The following FAM193A variants were observed in gnomAD, a reference collection of about 807,000 sequenced individuals.
FAM193A encodes protein FAM193A.
A neutral mutation model predicts 126.5 loss-of-function variants in FAM193A; 22 were observed. That is an observed-to-expected ratio of 0.17 (90% confidence interval 0.12 to 0.25). The LOEUF is 0.25. Among genes scored for constraint, FAM193A ranks in the 10% least tolerant of loss-of-function variants. The pLI is 1.00. For missense variants in FAM193A, 1,675 were observed against 1,672.8 expected (o/e 1.00, Z -0.02); for synonymous variants, 761 against 646.8 (o/e 1.18, Z -2.68).
Position 2,641,352 on chromosome 4 carries a change from T to C in FAM193A, c.1163+1493T>C, listed in dbSNP as rs570663243. On this transcript the variant is annotated intron_variant, in intron 6 of 20. Coordinates refer to ENST00000637812, the MANE Select transcript of FAM193A (RefSeq NM_001366318.2). ...ATGACCCACCATGCCCAATCTGCTT[T>C]TTTTCTCTTAAAATCCGTATATTAG... Among the ~76,000 whole-genome samples the C allele has an allele frequency of 7.1e-4, 108 of 152,090 alleles. 2 individuals are homozygous for C. In the South Asian group the frequency reaches 0.021, roughly 30 times the overall value.
At chr4:2,617,652 G>A (rs1442197503) in intron 2 of FAM193A, among the ~76,000 whole-genome samples, 1 of 151,898 alleles carries the variant, frequency 6.6e-6, no homozygotes, top group African/African-American at 2.4e-5. Flanking sequence ...TTTAGCTATA[G>A]CTTCCACTTT....
chr4:2,628,750 T>G (rs1259386313), intron 4 of FAM193A, among the ~76,000 whole-genome samples: 2 of 152,230 alleles, frequency 1.3e-5, no homozygotes, highest in Non-Finnish European at 2.9e-5. Context: ...TTCAGTACTT[T>G]AGAGTAGCAG....
At chr4:2,617,151 G>C (rs1742238063) in intron 2 of FAM193A, among the ~76,000 whole-genome samples, 1 of 104,880 alleles carries the variant, frequency 9.5e-6, no homozygotes, top group South Asian at 3.8e-4. Flanking sequence ...CTGGGCGACA[G>C]AGCGAGACTC....
At chr4:2,627,705 G>A (rs933986249) in intron 4 of FAM193A, among the ~76,000 whole-genome samples, 3 of 148,250 alleles carry the variant, frequency 2.0e-5, no homozygotes, top group Non-Finnish European at 3.0e-5. Context: ...AGCCTCCTGA[G>A]TAGCTGGGAT....
chr4:2,633,329 G>A (rs1457026064), intron 5 of FAM193A, among the ~76,000 whole-genome samples: 1 of 151,972 alleles, frequency 6.6e-6, no homozygotes, highest in African/African-American at 2.4e-5. Flanking sequence ...AACCCGGGAG[G>A]CAGAGGTTGC....
chr4:2,667,323 C>T (rs1287556056), intron 12 of FAM193A, among the ~76,000 whole-genome samples: 1 of 152,146 alleles, frequency 6.6e-6, no homozygotes, highest in Non-Finnish European at 1.5e-5. Context: ...AGGCTATCAA[C>T]ATATGAATTT....
At chr4:2,676,184 T>G (rs2063981191) in intron 13 of FAM193A, among the ~76,000 whole-genome samples, 1 of 152,238 alleles carries the variant, frequency 6.6e-6, no homozygotes, top group South Asian at 2.1e-4. Context: ...TTTTTAATTT[T>G]TGGAGGAACT....
chr4:2,731,878 C>G lies in FAM193A; in HGVS notation c.*10C>G, dbSNP rs758072257. The G allele has an allele frequency of 7.5e-6, 12 of 1,602,796 alleles. No individual in the cohort carries two copies. The highest frequency in any genetic ancestry group is 1.0e-5 in the Non-Finnish European group (12 of 1,169,850). On this transcript the variant is annotated 3_prime_UTR_variant, in exon 21 of 21. Coordinates refer to ENST00000637812, the MANE Select transcript of FAM193A (RefSeq NM_001366318.2). Reference sequence around the variant, plus strand: ...CTTTGCTGCCCACTGAATGAGGACTCCCTGGAGAGGGACACGCGAGAGGCA... The same window carrying G: ...CTTTGCTGCCCACTGAATGAGGACTGCCTGGAGAGGGACACGCGAGAGGCA...
intron 1 of FAM193A, among the ~76,000 whole-genome samples, chr4:2,560,806 CAG>C (rs1738565588): frequency 6.6e-6 from 1 of 152,080 alleles, no homozygotes; most frequent in African/African-American, 2.4e-5. Context: ...TCCTCTTCCT[CAG>C]TGTTTTTATT....
chr4:2,539,190 C>G (rs999386166), intron 1 of FAM193A, among the ~76,000 whole-genome samples: 1 of 152,154 alleles, frequency 6.6e-6, no homozygotes, highest in Non-Finnish European at 1.5e-5. Context: ...CCGTGCCCAG[C>G]CCTGCCTTTA....
intron 12 of FAM193A, among the ~76,000 whole-genome samples, chr4:2,665,956 C>G (rs1713066545): frequency 2.0e-5 from 3 of 152,180 alleles, no homozygotes; most frequent in African/African-American, 4.8e-5. Context: ...ATGCCATTCT[C>G]CTGACTCAGC....
intron 2 of FAM193A, among the ~76,000 whole-genome samples, chr4:2,606,616 G>A (rs143334243): frequency 7.6e-4 from 115 of 152,262 alleles, no homozygotes; most frequent in Non-Finnish European, 1.3e-3. Context: ...GGTCTGTCTT[G>A]TCCTCTGAAT....
chr4:2,549,401 T>TC (rs1737767641), intron 1 of FAM193A, among the ~76,000 whole-genome samples: 1 of 138,348 alleles, frequency 7.2e-6, no homozygotes, highest in African/African-American at 2.6e-5. Context: ...TTTTCTTTTT[T>TC]TTTTTTTTTT....
intron 1 of FAM193A, among the ~76,000 whole-genome samples, chr4:2,588,336 C>CAT (rs1215376720): frequency 6.6e-6 from 1 of 152,146 alleles, no homozygotes; most frequent in African/African-American, 2.4e-5. Context: ...TTACATGGAC[C>CAT]ATAACATTTT....
At chr4:2,613,409 G>T (rs1577075016) in intron 2 of FAM193A, among the ~76,000 whole-genome samples, 1 of 133,992 alleles carries the variant, frequency 7.5e-6, no homozygotes, top group Non-Finnish European at 1.6e-5. Flanking sequence ...TATTGGCCAT[G>T]TGTACTGTAA....
intron 1 of FAM193A, among the ~76,000 whole-genome samples, chr4:2,541,890 G>A (rs758842210): frequency 2.0e-5 from 3 of 151,928 alleles, no homozygotes; most frequent in Non-Finnish European, 4.4e-5. Context: ...GAGTGCAGTG[G>A]CGCCATCTCG....
At chr4:2,680,124 G>A (rs1685220834) in intron 13 of FAM193A, among the ~76,000 whole-genome samples, 2 of 152,180 alleles carry the variant, frequency 1.3e-5, no homozygotes, top group African/African-American at 4.8e-5. Flanking sequence ...GCCTCCCAGA[G>A]TGCTGGGATT....
intron 20 of FAM193A, among the ~76,000 whole-genome samples, chr4:2,727,449 TAGC>T (rs1209988202): frequency 1.3e-5 from 2 of 152,336 alleles, no homozygotes; most frequent in Non-Finnish European, 2.9e-5. Flanking sequence ...TCCAGGGAAT[TAGC>T]AGCATTCCCG....
intron 2 of FAM193A, chr4:2,607,827 G>T (rs926975445): frequency 1.4e-5 from 8 of 575,712 alleles, no homozygotes; most frequent in South Asian, 9.2e-5. Flanking sequence ...TTGACTTGTG[G>T]GATTTCTTTA....
Sources: allele counts gnomAD v4.1 joint callset (sites outside exome capture counted in the v4.1 genomes callset), GRCh38; gene constraint gnomAD v4.1.1; transcripts MANE v1.5; gene names NCBI Gene and HGNC (gene_info 2026-07-23, HGNC 2026-07-21).